The following UMODL1 variants were observed in gnomAD, a reference collection of about 807,000 sequenced individuals.
UMODL1 encodes uromodulin like 1.
UMODL1 carries 128 observed loss-of-function variants against 136.3 expected under a neutral mutation model. That is an observed-to-expected ratio of 0.94 (90% confidence interval 0.81 to 1.09). The LOEUF (loss-of-function observed/expected upper bound fraction) is 1.09, where lower values mean the gene tolerates loss of function less well. Among genes scored for constraint, UMODL1 ranks in the 50% least tolerant of loss-of-function variants. UMODL1 has a pLI of 0.00. For missense variants in UMODL1, 1,766 were observed against 1,725.6 expected (o/e 1.02, Z -0.41); for synonymous variants, 721 against 720.0 (o/e 1.00, Z -0.02).
chr21:42,100,520 G>C (rs1251285886), intron 7 of UMODL1, among the ~76,000 whole-genome samples: 2 of 152,012 alleles, frequency 1.3e-5, no homozygotes, highest in African/African-American at 4.8e-5. Flanking sequence ...TGTGCACGCG[G>C]CATCCCATTC....
At chr21:42,063,583 G>A (rs2066158775) in intron 1 of UMODL1, among the ~76,000 whole-genome samples, 1 of 150,856 alleles carries the variant, frequency 6.6e-6, no homozygotes, top group African/African-American at 2.4e-5. Context: ...AGGAGCCCAG[G>A]GAGGCTGCTC....
At position 42,082,976 on chromosome 21, in the gene UMODL1, C is replaced by T. The variant is rs574435395; in HGVS notation, c.320-1108C>T. Among the ~76,000 whole-genome samples the T allele has an allele frequency of 9.8e-5, 15 of 152,336 alleles. 2 individuals carry two copies. In the South Asian group the frequency reaches 2.9e-3, roughly 29 times the overall value. On this transcript the variant is annotated intron_variant, in intron 2 of 22. Coordinates refer to ENST00000408910, the MANE Select transcript of UMODL1 (RefSeq NM_001004416.3). ...CTCCCCCTGCAGCCTTGGCTGAGGT[C>T]TGGTCCCCAGGACCAGCACACCTCC...
chr21:42,084,182 C>T lies in UMODL1; in HGVS notation c.418C>T (p.Pro140Ser), dbSNP rs1037719579. 6.2e-7 allele frequency: 1 copy of T among 1,614,076 alleles called. No individual in the cohort carries two copies. Among genetic ancestry groups the T allele is most frequent in the Non-Finnish European group, 8.5e-7 (1 of 1,180,042 alleles). Residue 140 changes from proline to serine, a missense_variant, in exon 3 of 23, where the codon CCT becomes TCT. Transcript: ENST00000408910. ...TSPCSLDIDC[P>S]GLEKCCPWSG... The stretch of plus-strand genomic sequence containing the variant: ...CCCCTGCAGCTTGGACATCGACTGT[C>T]CTGGACTTGAGAAGTGCTGCCCCTG...
chr21:42,118,337 G>A (rs1000770921), intron 14 of UMODL1, among the ~76,000 whole-genome samples: 31 of 152,244 alleles, frequency 2.0e-4, no homozygotes, highest in African/African-American at 6.8e-4. Context: ...CCCAGAAGCC[G>A]GGAAGTGAGT....
intron 10 of UMODL1, among the ~76,000 whole-genome samples, chr21:42,110,071 C>T (rs565976925): frequency 7.6e-6 from 1 of 130,722 alleles, no homozygotes; most frequent in Non-Finnish European, 1.6e-5. Context: ...GGCCTGGAGC[C>T]CGAGAGGGTG....
intron 1 of UMODL1, among the ~76,000 whole-genome samples, chr21:42,072,151 G>A (rs1002569155): frequency 6.6e-6 from 1 of 152,252 alleles, no homozygotes; most frequent in African/African-American, 2.4e-5. Context: ...TCACAGGGCA[G>A]AGTCACCACA....
At chr21:42,119,043 C>CG (rs2066934731) in intron 14 of UMODL1, 68 bp from the exon 15 acceptor site, 1 of 1,523,152 alleles carries the variant, frequency 6.6e-7, no homozygotes, top group Non-Finnish European at 8.9e-7. Flanking sequence ...GCAGGAGGAA[C>CG]CGCCTTGAGA....
chr21:42,125,186 C>T (rs555197269), intron 17 of UMODL1, among the ~76,000 whole-genome samples: 1 of 152,300 alleles, frequency 6.6e-6, no homozygotes, highest in South Asian at 2.1e-4. Flanking sequence ...GGTGGACGTC[C>T]TGAGCAGGAG....
intron 15 of UMODL1, 160 bp from the exon 16 acceptor site, chr21:42,120,927 A>G: frequency 1.2e-6 from 1 of 842,440 alleles, no homozygotes; most frequent in Non-Finnish European, 1.8e-6. Flanking sequence ...CAGCTTCAGG[A>G]AGCCTCCTGT....
In UMODL1 at chr21:42,113,742, G is replaced by A. The variant is rs1301922946; in HGVS notation, c.2274G>A (p.Gly758=). The part of the protein sequence containing the change: ...ETWNTSVTLS[G]LEPGVLHLVE... ...GGAACACGAGTGTGACACTGTCGGGGCTGGAGCCTGGGGTCTTGCACCTGG... is the reference window on the plus strand; with the variant it reads ...GGAACACGAGTGTGACACTGTCGGGACTGGAGCCTGGGGTCTTGCACCTGG... Residue 758 remains glycine, a synonymous_variant, in exon 13 of 23, where the codon GGG becomes GGA. Transcript: ENST00000408910. 4.3e-6 allele frequency: 7 copies of A among 1,613,994 alleles called. No individual in the cohort carries two copies. The East Asian group carries it at 1.3e-4, about 31-fold the overall frequency.
At chr21:42,130,631 G>T (rs2067121979) in intron 21 of UMODL1, among the ~76,000 whole-genome samples, 1 of 151,804 alleles carries the variant, frequency 6.6e-6, no homozygotes, top group Admixed American at 6.6e-5. Context: ...TCTGACCAAT[G>T]ACACGTAAGT....
chr21:42,108,574 G>T, intron 9 of UMODL1: 1 of 344,138 alleles, frequency 2.9e-6, no homozygotes, highest in Non-Finnish European at 5.9e-6. Flanking sequence ...CACCTGAATT[G>T]GAACTTCTCT....
intron 22 of UMODL1, among the ~76,000 whole-genome samples, chr21:42,141,251 G>C (rs2067277305): frequency 6.6e-6 from 1 of 152,154 alleles, no homozygotes; most frequent in South Asian, 2.1e-4. Flanking sequence ...GGCAACTTCA[G>C]AGAAAACACC....
At chr21:42,140,857 A>G (rs1292957625) in intron 22 of UMODL1, among the ~76,000 whole-genome samples, 1 of 152,094 alleles carries the variant, frequency 6.6e-6, no homozygotes, top group Admixed American at 6.5e-5. Context: ...TTTACACTCT[A>G]ATAGTGAAAA....
intron 2 of UMODL1, among the ~76,000 whole-genome samples, chr21:42,077,007 GT>G (rs2066300847): frequency 1.1e-4 from 1 of 9,330 alleles, no homozygotes; most frequent in Non-Finnish European, 2.2e-4. Context: ...GGAGGGGTGT[GT>G]GTGTGTGTGT....
intron 9 of UMODL1, among the ~76,000 whole-genome samples, chr21:42,105,915 G>A (rs761970859): frequency 6.6e-6 from 1 of 152,174 alleles, no homozygotes; most frequent in Non-Finnish European, 1.5e-5. Context: ...GTAAGCATTC[G>A]CAGCACCCCA....
intron 20 of UMODL1, among the ~76,000 whole-genome samples, chr21:42,128,984 A>G (rs916097952): frequency 4.6e-5 from 7 of 151,834 alleles, no homozygotes; most frequent in African/African-American, 1.5e-4. Flanking sequence ...TGAGAGTTCT[A>G]AAGGAAGGAT....
At chr21:42,103,682 G>GA (rs768682419) in intron 8 of UMODL1, 186 bp from the exon 9 acceptor site, 10 of 751,786 alleles carry the variant, frequency 1.3e-5, no homozygotes, top group Non-Finnish European at 2.1e-5. Flanking sequence ...CCGTCCCAGG[G>GA]AAAGCCCAGC....
chr21:42,069,935 A>G (rs895261081), upstream of UMODL1, among the ~76,000 whole-genome samples: 6 of 152,194 alleles, frequency 3.9e-5, no homozygotes, highest in Admixed American at 2.6e-4. Flanking sequence ...TAATGAGCCA[A>G]TTCTGTGTGA....
Sources: gnomAD v4.1 joint callset for allele counts (sites outside exome capture counted in the v4.1 genomes callset) on GRCh38, gnomAD v4.1.1 for gene constraint, MANE v1.5 for transcripts, NCBI Gene and HGNC (gene_info 2026-07-23, HGNC 2026-07-21) for gene names.